CCDC33: variants seen among roughly 807,000 people sequenced by gnomAD.
The protein encoded by CCDC33 is coiled-coil domain containing 33.
A neutral mutation model predicts 91.9 loss-of-function variants in CCDC33; 94 were observed. That is an observed-to-expected ratio of 1.02 (90% CI 0.87 to 1.21). The LOEUF (loss-of-function observed/expected upper bound fraction) is 1.21. Among genes scored for constraint, CCDC33 ranks in the 50% most tolerant of loss-of-function variants. CCDC33 has a pLI of 0.00. For missense variants in CCDC33, 940 were observed against 935.5 expected, an observed-to-expected ratio of 1.00 and a Z score of -0.06; for synonymous variants, 396 against 374.5, an observed-to-expected ratio of 1.06 and a Z score of -0.66.
chr15:74,245,442 A>T (rs1030405786), intron 2 of CCDC33, among the ~76,000 whole-genome samples: 6 of 152,218 alleles, frequency 3.9e-5, no homozygotes, highest in African/African-American at 1.2e-4. Flanking sequence ...TGGTGGGAGC[A>T]GGCTTGGCAG....
chr15:74,329,840 G>T lies in CCDC33; in HGVS notation c.1291-349G>T, dbSNP rs189848756. Among the ~76,000 whole-genome samples the T allele has an allele frequency of 3.5e-4, 54 of 152,326 alleles. No individual in the cohort carries two copies. The Middle Eastern group carries it at 0.014, about 38-fold the overall frequency. On this transcript the variant is annotated intron_variant, in intron 11 of 18. Coordinates refer to ENST00000398814, the MANE Select transcript of CCDC33 (RefSeq NM_025055.5). ...AGGGAAAAGGTGAAGAAATAGCTAT[G>T]ATCGAGCCAGACCCTGCAAACCTGG...
intron 11 of CCDC33, among the ~76,000 whole-genome samples, chr15:74,328,611 G>T (rs1567038980): frequency 1.3e-5 from 2 of 152,230 alleles, no homozygotes; most frequent in South Asian, 2.1e-4. Context: ...AGGGGCAAGT[G>T]CTGGAGAGAT....
intron 2 of CCDC33, among the ~76,000 whole-genome samples, chr15:74,246,914 AG>A (rs1355716390): frequency 1.3e-5 from 2 of 151,496 alleles, no homozygotes; most frequent in Admixed American, 1.3e-4. Context: ...TGCGGGGCCG[AG>A]GTGGGCGGAT....
chr15:74,296,021 T>C (rs1435001996), intron 11 of CCDC33, 73 bp downstream of exon 11: 1 of 1,333,578 alleles, frequency 7.5e-7, no homozygotes, highest in African/African-American at 1.5e-5. Context: ...GACTGCCATC[T>C]GCAGGACTGC....
upstream of CCDC33, chr15:74,213,216 TA>T (rs10707168): frequency 0.96 from 135,515 of 140,530 alleles, 65,386 homozygotes; most frequent in East Asian, 0.99. Context: ...ACTCTGTCTC[TA>T]AAAAAAAAAA....
intron 11 of CCDC33, among the ~76,000 whole-genome samples, chr15:74,312,532 C>G (rs1321012136): frequency 6.6e-6 from 1 of 152,206 alleles, no homozygotes; most frequent in African/African-American, 2.4e-5. Context: ...CCCTGCCCTG[C>G]CCCCGCACCA....
At chr15:74,330,141 GGGTT>G in intron 11 of CCDC33, 44 bp from the exon 12 acceptor site, 1 of 1,523,896 alleles carries the variant, frequency 6.6e-7, no homozygotes, top group Non-Finnish European at 8.8e-7. Context: ...TGTGGGACCA[GGGTT>G]GCTATGGGGC....
chr15:74,250,155 A>G (rs1215240375), intron 2 of CCDC33, among the ~76,000 whole-genome samples: 2 of 152,016 alleles, frequency 1.3e-5, no homozygotes, highest in Non-Finnish European at 2.9e-5. Context: ...CAGCTCCACC[A>G]CCGACTTAGG....
intron 2 of CCDC33, among the ~76,000 whole-genome samples, chr15:74,210,396 A>T (rs775383184): frequency 6.6e-6 from 1 of 152,226 alleles, no homozygotes; most frequent in Non-Finnish European, 1.5e-5. Context: ...TCCAAGACAT[A>T]TTGCCAAGTA....
intron 2 of CCDC33, among the ~76,000 whole-genome samples, chr15:74,261,223 C>G (rs974387009): frequency 2.0e-5 from 3 of 152,178 alleles, no homozygotes; most frequent in African/African-American, 7.2e-5. Context: ...AGAAGAAGGG[C>G]TCCTGCAAGC....
intron 7 of CCDC33, among the ~76,000 whole-genome samples, chr15:74,273,689 G>C (rs996348289): frequency 2.0e-5 from 3 of 148,802 alleles, no homozygotes; most frequent in Admixed American, 2.0e-4. Flanking sequence ...GGCTGGTCTC[G>C]AACTCCTGAC....
chr15:74,216,422 G>C (rs543054000), upstream of CCDC33, among the ~76,000 whole-genome samples: 1 of 150,550 alleles, frequency 6.6e-6, no homozygotes, highest in Non-Finnish European at 1.5e-5. Context: ...CAAGTCAGGC[G>C]ACTAGAACTC....
chr15:74,208,827 CCCTT>C, intron 1 of CCDC33: 2 of 989,282 alleles, frequency 2.0e-6, no homozygotes, highest in Non-Finnish European at 1.2e-6. Flanking sequence ...CCTGACCTCT[CCCTT>C]CCTTGTCTCT....
At chr15:74,219,394 T>C (rs999744954) in intron 2 of CCDC33, among the ~76,000 whole-genome samples, 1 of 152,238 alleles carries the variant, frequency 6.6e-6, no homozygotes, top group Non-Finnish European at 1.5e-5. Context: ...TAGAAGCTGG[T>C]AGAGCAAGTA....
upstream of CCDC33, among the ~76,000 whole-genome samples, chr15:74,214,548 T>G (rs2074395538): frequency 6.6e-6 from 1 of 152,222 alleles, no homozygotes; most frequent in Non-Finnish European, 1.5e-5. Context: ...CCTGCGGCCC[T>G]GGGCTCAGTT....
intron 2 of CCDC33, among the ~76,000 whole-genome samples, chr15:74,224,440 C>T (rs560023874): frequency 2.6e-5 from 4 of 152,332 alleles, no homozygotes; most frequent in East Asian, 3.9e-4. Flanking sequence ...AAGCCTGTCC[C>T]TCCACCCCTG....
rs114632491 is a variant in CCDC33 at position 74,264,564 on chromosome 15, G to A, written c.319+1991G>A. 5.3e-3 allele frequency among the ~76,000 whole-genome samples: 811 copies of A among 152,228 alleles called. 7 individuals are homozygous for A. Among genetic ancestry groups the A allele is most frequent in the African/African-American group, 0.019 (772 of 41,514 alleles). On this transcript the variant is annotated intron_variant, in intron 3 of 18. Coordinates refer to ENST00000398814, the MANE Select transcript of CCDC33 (RefSeq NM_025055.5). ...CCTTGGCAAATCCCAACTGGATCTGGGGACTCTTGGTCCATGGCGAGTTGG... is the reference window on the plus strand; with the variant it reads ...CCTTGGCAAATCCCAACTGGATCTGAGGACTCTTGGTCCATGGCGAGTTGG...
intron 2 of CCDC33, among the ~76,000 whole-genome samples, chr15:74,229,938 T>C (rs566249378): frequency 6.6e-6 from 1 of 152,326 alleles, no homozygotes; most frequent in East Asian, 1.9e-4. Context: ...CTGATGTCCC[T>C]GAGGTCGGGT....
At chr15:74,319,908 G>A (rs962275275) in intron 11 of CCDC33, among the ~76,000 whole-genome samples, 1 of 152,164 alleles carries the variant, frequency 6.6e-6, no homozygotes, top group African/African-American at 2.4e-5. Context: ...CATCTCTGCT[G>A]CAGCAGGAAG....
Sources: gnomAD v4.1 joint callset for allele counts (sites outside exome capture counted in the v4.1 genomes callset) on GRCh38, gnomAD v4.1.1 for gene constraint, MANE v1.5 for transcripts, NCBI Gene and HGNC (gene_info 2026-07-23, HGNC 2026-07-21) for gene names.